ATP8A2: variants seen among roughly 807,000 people sequenced by gnomAD.
ATP8A2 encodes the protein ATPase phospholipid transporting 8A2, also known as phospholipid-transporting ATPase IB.
ATP8A2 carries 100 observed loss-of-function variants against 165.6 expected under a neutral mutation model. The observed-to-expected ratio is 0.60, with a 90% CI of 0.51 to 0.71. ATP8A2 has a LOEUF of 0.71. Among genes scored for constraint, ATP8A2 ranks in the 30% least tolerant of loss-of-function variants. The pLI, the probability that ATP8A2 is intolerant of heterozygous loss-of-function variation, is 0.00. For missense variants in ATP8A2, 1,227 were observed against 1,479.5 expected, an observed-to-expected ratio of 0.83 and a Z score of 2.80; for synonymous variants, 543 against 548.8, an observed-to-expected ratio of 0.99 and a Z score of 0.15.
chr13:25,373,959 G>C (rs1346797568), intron 1 of ATP8A2, among the ~76,000 whole-genome samples: 1 of 152,170 alleles, frequency 6.6e-6, no homozygotes, highest in Non-Finnish European at 1.5e-5. Flanking sequence ...CAGTGTTGCT[G>C]TCTTGAAAGT....
At chr13:25,721,524 A>G (rs1363955747) in intron 25 of ATP8A2, among the ~76,000 whole-genome samples, 1 of 152,204 alleles carries the variant, frequency 6.6e-6, no homozygotes, top group Non-Finnish European at 1.5e-5. Context: ...TTTGACTTGA[A>G]TGCTGAGAGA....
In ATP8A2 at chr13:25,372,520, G is replaced by A. The variant is rs887592576; in HGVS notation, c.76+232G>A. 2.6e-5 allele frequency among the ~76,000 whole-genome samples: 4 copies of A among 152,182 alleles called. No individual in the cohort carries two copies. The highest frequency in any genetic ancestry group is 5.9e-5 in the Non-Finnish European group (4 of 68,030). On this transcript the variant is annotated intron_variant, in intron 1 of 36. Coordinates refer to ENST00000381655, the MANE Select transcript of ATP8A2 (RefSeq NM_016529.6). This position sits in a 1 kb window ranked among gnomAD's most constrained non-coding sequence, Gnocchi z 4.8. ...GGCCGGGGCGAGGTGAGCGGCGGGC[G>A]TCAGAGACCCCCGGCTCGTCCCTGT... is the stretch of plus-strand genomic sequence containing the variant.
intron 34 of ATP8A2, 93 bp from the exon 35 acceptor site, chr13:25,968,482 A>G: frequency 1.8e-6 from 2 of 1,098,286 alleles, no homozygotes; most frequent in East Asian, 2.5e-5. Context: ...ACCAAAGGGC[A>G]TTTGGCTGTG....
chr13:25,878,694 C>T (rs1952886479), intron 33 of ATP8A2, among the ~76,000 whole-genome samples: 2 of 152,068 alleles, frequency 1.3e-5, no homozygotes, highest in African/African-American at 4.8e-5. Context: ...TCATTTTACC[C>T]AGCCCCTATT....
chr13:25,387,396 C>T (rs1254973326), intron 1 of ATP8A2, among the ~76,000 whole-genome samples: 1 of 152,058 alleles, frequency 6.6e-6, no homozygotes, highest in Non-Finnish European at 1.5e-5. Context: ...GTCCTAGTCA[C>T]GTCCTAGGTT....
intron 33 of ATP8A2, among the ~76,000 whole-genome samples, chr13:25,899,244 G>A (rs1357535084): frequency 6.6e-6 from 1 of 152,208 alleles, no homozygotes. Flanking sequence ...TCTGAGTGCT[G>A]GAGCTCTGTA....
At chr13:25,949,957 G>A (rs776434551) in intron 33 of ATP8A2, among the ~76,000 whole-genome samples, 18 of 151,918 alleles carry the variant, frequency 1.2e-4, no homozygotes, top group South Asian at 2.1e-4. Flanking sequence ...ACACCACCAC[G>A]CCTGGCTAAT....
chr13:25,727,362 AC>A (rs2043516665), intron 25 of ATP8A2, among the ~76,000 whole-genome samples: 1 of 152,194 alleles, frequency 6.6e-6, no homozygotes, highest in Non-Finnish European at 1.5e-5. Context: ...GCTGTGGCCA[AC>A]CAGGAAAGTG....
chr13:25,897,177 G>A (rs947715430), intron 33 of ATP8A2, among the ~76,000 whole-genome samples: 1 of 152,184 alleles, frequency 6.6e-6, no homozygotes, highest in Non-Finnish European at 1.5e-5. Flanking sequence ...GGTACTGGTT[G>A]TTCCTTTCTA....
intron 24 of ATP8A2, among the ~76,000 whole-genome samples, chr13:25,627,642 CT>C (rs1481345558): frequency 6.6e-6 from 1 of 152,184 alleles, no homozygotes; most frequent in Admixed American, 6.5e-5. Flanking sequence ...TGATCTTTGA[CT>C]TCTAGCCTCC....
intron 27 of ATP8A2, among the ~76,000 whole-genome samples, chr13:25,800,072 A>G (rs775883404): frequency 6.6e-6 from 1 of 152,160 alleles, no homozygotes; most frequent in Non-Finnish European, 1.5e-5. Context: ...TACTGTATTC[A>G]CTTATTTAAT....
intron 33 of ATP8A2, among the ~76,000 whole-genome samples, chr13:25,929,534 C>A (rs1213668147): frequency 6.6e-6 from 1 of 152,156 alleles, no homozygotes; most frequent in Non-Finnish European, 1.5e-5. Flanking sequence ...CCCCTCCATG[C>A]TACCCCTGAA....
chr13:25,933,636 T>C (rs1954819635), intron 33 of ATP8A2, among the ~76,000 whole-genome samples: 1 of 152,172 alleles, frequency 6.6e-6, no homozygotes, highest in Non-Finnish European at 1.5e-5. Context: ...GGTGCACACC[T>C]AGGCCTTCCC....
At chr13:25,474,150 T>C (rs1342535084) in intron 2 of ATP8A2, among the ~76,000 whole-genome samples, 3 of 152,246 alleles carry the variant, frequency 2.0e-5, no homozygotes, top group African/African-American at 7.2e-5. Context: ...CAGTGGTAAC[T>C]CGAGCTTTGT....
intron 2 of ATP8A2, among the ~76,000 whole-genome samples, chr13:25,507,858 C>T (rs1259979976): frequency 6.6e-6 from 1 of 152,050 alleles, no homozygotes; most frequent in Non-Finnish European, 1.5e-5. Flanking sequence ...TAGAAAACTA[C>T]TAAATGTAAA....
intron 23 of ATP8A2, among the ~76,000 whole-genome samples, chr13:25,585,605 C>G (rs2039899842): frequency 6.6e-6 from 1 of 152,042 alleles, no homozygotes; most frequent in African/African-American, 2.4e-5. Context: ...AATTTTAATA[C>G]ATTTTATTGT....
rs983996220 is a variant in ATP8A2, at chr13:25,807,062, A to G, written c.2680-21056A>G. ...TTGGACTATAAGTGTTCTTTATGTAATCTATATACAAATGCCAAATCCTAT... is the reference window on the plus strand; with the variant it reads ...TTGGACTATAAGTGTTCTTTATGTAGTCTATATACAAATGCCAAATCCTAT... On this transcript the variant is annotated intron_variant, in intron 27 of 36. Transcript: ENST00000381655. Among the ~76,000 whole-genome samples, 7 of 150,826 alleles carry G rather than the reference A, an allele frequency of 4.6e-5. No homozygotes were observed. The South Asian group carries it at 8.3e-4, about 18-fold the overall frequency.
At chr13:25,734,552 G>T (rs918476491) in intron 25 of ATP8A2, among the ~76,000 whole-genome samples, 2 of 152,148 alleles carry the variant, frequency 1.3e-5, no homozygotes, top group Admixed American at 6.5e-5. Flanking sequence ...AGAGCTTCAA[G>T]GTTGCTTAAA....
At chr13:25,892,462 CTCTCTCTG>C (rs1203291066) in intron 33 of ATP8A2, among the ~76,000 whole-genome samples, 94 of 148,358 alleles carry the variant, frequency 6.3e-4, no homozygotes, top group African/African-American at 2.3e-3. Context: ...ACATTTCTCT[CTCTCTCTG>C]TCTCTCTGTC....
Sources: gnomAD v4.1 joint callset for allele counts (sites outside exome capture counted in the v4.1 genomes callset) on GRCh38, gnomAD v4.1.1 for gene constraint, Gnocchi (gnomAD v3.1) non-coding constraint, MANE v1.5 for transcripts, NCBI Gene and HGNC (gene_info 2026-07-23, HGNC 2026-07-21) for gene names.